Variants in DIP2B observed in about 807,000 individuals in gnomAD.
DIP2B encodes DIP2 acetate--CoA ligase B (putative), also known as disco-interacting protein 2 homolog B.
In DIP2B, 76 loss-of-function variants were observed where a neutral mutation model predicts 198.0. That is an observed-to-expected ratio of 0.38 (90% CI 0.32 to 0.46). The LOEUF (loss-of-function observed/expected upper bound fraction) is 0.46. Ranked by LOEUF, DIP2B falls within the 20% of genes least tolerant of loss-of-function variation. The pLI, the probability that DIP2B is intolerant of heterozygous loss-of-function variation, is 0.99. For synonymous variants in DIP2B, 701 were observed against 739.1 expected (o/e 0.95, Z 0.84); for missense variants, 1,559 against 1,978.4 (o/e 0.79, Z 4.02).
chr12:50,744,496 G>A (rs2139613373), intron 37 of DIP2B, 91 bp from the exon 38 acceptor site: 1 of 1,551,136 alleles, frequency 6.4e-7, no homozygotes, highest in South Asian at 1.2e-5. Flanking sequence ...GAGGGGAGAA[G>A]GCGGGGAAAT....
At position 50,629,501 on chromosome 12, in the gene DIP2B, A is replaced by G. The variant is rs138173823; in HGVS notation, c.172+3454A>G. Among the ~76,000 whole-genome samples the G allele has an allele frequency of 3.5e-3, 539 of 152,252 alleles. 1 individual carries two copies. Among genetic ancestry groups the G allele is most frequent in the Middle Eastern group, 0.034 (10 of 294 alleles). On this transcript the variant is annotated intron_variant, in intron 2 of 37. Coordinates refer to ENST00000301180, the MANE Select transcript of DIP2B (RefSeq NM_173602.3). ...TCCAGGGACCACACTTTGAGAACCA[A>G]TGCTGTATCTCTCTAGATTATTTCA...
chr12:50,714,373 A>G, intron 22 of DIP2B, 22 bp from the exon 23 acceptor site: 1 of 1,613,784 alleles, frequency 6.2e-7, no homozygotes, highest in Non-Finnish European at 8.5e-7. Flanking sequence ...CTCACTGAGT[A>G]TTTTTGTTTG....
intron 1 of DIP2B, among the ~76,000 whole-genome samples, chr12:50,623,527 A>C (rs1452884973): frequency 7.8e-6 from 1 of 128,530 alleles, no homozygotes; most frequent in Non-Finnish European, 1.8e-5. Flanking sequence ...ACACACACAC[A>C]CGCACACACA....
intron 1 of DIP2B, among the ~76,000 whole-genome samples, chr12:50,545,394 C>T (rs1958367922): frequency 6.9e-6 from 1 of 144,974 alleles, no homozygotes; most frequent in Non-Finnish European, 1.5e-5. Context: ...TCCCCTCCCT[C>T]CCCCTCCCCT....
chr12:50,708,408 T>C, intron 21 of DIP2B, 40 bp from the exon 22 acceptor site: 1 of 1,536,792 alleles, frequency 6.5e-7, no homozygotes, highest in East Asian at 2.4e-5. Context: ...TAGGACTGGT[T>C]GTGAAGGGAG....
At chr12:50,727,841 T>A (rs1189174505) in intron 29 of DIP2B, 29 bp downstream of exon 29, 2 of 1,579,318 alleles carry the variant, frequency 1.3e-6, no homozygotes. Context: ...AAATGCCACA[T>A]CTGCCAAAAA....
At chr12:50,665,472 G>T (rs571069294) in intron 4 of DIP2B, among the ~76,000 whole-genome samples, 1 of 152,084 alleles carries the variant, frequency 6.6e-6, no homozygotes, top group East Asian at 1.9e-4. Context: ...CTTTATAGCC[G>T]CGACTCATGC....
chr12:50,659,339 A>T (rs1177607834), intron 3 of DIP2B, among the ~76,000 whole-genome samples: 1 of 152,138 alleles, frequency 6.6e-6, no homozygotes, highest in Non-Finnish European at 1.5e-5. Flanking sequence ...TATAAGGGGT[A>T]TATTTACTTT....
intron 12 of DIP2B, among the ~76,000 whole-genome samples, chr12:50,687,881 A>C (rs1436921023): frequency 6.6e-6 from 1 of 150,828 alleles, no homozygotes; most frequent in East Asian, 2.0e-4. Flanking sequence ...CACGTGTCCC[A>C]GAACTTAAAA....
chr12:50,588,026 G>T (rs1286200502), intron 1 of DIP2B, among the ~76,000 whole-genome samples: 2 of 152,100 alleles, frequency 1.3e-5, no homozygotes, highest in Non-Finnish European at 2.9e-5. Flanking sequence ...AATACCAATG[G>T]GTGAAAGCAA....
At chr12:50,682,628 CA>C (rs58672851) in intron 9 of DIP2B, among the ~76,000 whole-genome samples, 40 of 42,138 alleles carry the variant, frequency 9.5e-4, no homozygotes, top group South Asian at 4.3e-3. Flanking sequence ...GACTCTGTCT[CA>C]AAAAAAAAAA....
intron 2 of DIP2B, among the ~76,000 whole-genome samples, chr12:50,631,198 C>T (rs1416971355): frequency 1.3e-5 from 2 of 151,770 alleles, no homozygotes; most frequent in African/African-American, 4.8e-5. Flanking sequence ...GATCTTTGCT[C>T]ACCGCAACCT....
intron 1 of DIP2B, among the ~76,000 whole-genome samples, chr12:50,584,448 A>G (rs1418427431): frequency 9.2e-5 from 14 of 152,106 alleles, no homozygotes; most frequent in Admixed American, 7.2e-4. Flanking sequence ...TCATTTCTCA[A>G]CTAGAAAACT....
chr12:50,692,805 C>CCG, intron 13 of DIP2B, 144 bp from the exon 14 acceptor site: 1 of 684,306 alleles, frequency 1.5e-6, no homozygotes, highest in Non-Finnish European at 2.5e-6. Context: ...TCACTGCACT[C>CCG]CAGCCTGGGT....
intron 1 of DIP2B, among the ~76,000 whole-genome samples, chr12:50,573,313 G>T (rs1958631276): frequency 6.6e-6 from 1 of 152,228 alleles, no homozygotes; most frequent in African/African-American, 2.4e-5. Flanking sequence ...GTTGTAAAGA[G>T]ACAAATAAGA....
At chr12:50,735,456 T>G (rs7294472) in intron 34 of DIP2B, among the ~76,000 whole-genome samples, 8 of 78,824 alleles carry the variant, frequency 1.0e-4, no homozygotes, top group South Asian at 3.0e-4. Context: ...GTTTTTTTTG[T>G]TTTTTTGTTT....
At chr12:50,620,086 T>C (rs1292224590) in intron 1 of DIP2B, among the ~76,000 whole-genome samples, 1 of 152,140 alleles carries the variant, frequency 6.6e-6, no homozygotes, top group Non-Finnish European at 1.5e-5. Context: ...AAATAAAACT[T>C]GTCTAGAGTC....
intron 1 of DIP2B, among the ~76,000 whole-genome samples, chr12:50,578,329 G>A (rs1391438965): frequency 3.3e-5 from 5 of 150,186 alleles, no homozygotes; most frequent in African/African-American, 7.3e-5. Flanking sequence ...TCGAATGGAT[G>A]TGTTACCCGT....
chr12:50,720,990 G>A (rs768991018), intron 25 of DIP2B, among the ~76,000 whole-genome samples: 2 of 152,044 alleles, frequency 1.3e-5, no homozygotes, highest in Admixed American at 6.6e-5. Flanking sequence ...TGTATTTTTA[G>A]TGGAGAGGAG....
Sources: gnomAD v4.1 joint callset for allele counts (sites outside exome capture counted in the v4.1 genomes callset) on GRCh38, gnomAD v4.1.1 for gene constraint, MANE v1.5 for transcripts, NCBI Gene and HGNC (gene_info 2026-07-23, HGNC 2026-07-21) for gene names.